Variants in MAD1L1 observed in about 807,000 individuals in gnomAD.
MAD1L1 encodes mitotic arrest deficient 1 like 1.
In MAD1L1, 95 loss-of-function variants were observed where a neutral mutation model predicts 96.9. The observed-to-expected ratio is 0.98, with a 90% CI of 0.83 to 1.16. The LOEUF is 1.16. Ranked by LOEUF, MAD1L1 falls within the 50% of genes most tolerant of loss-of-function variation. MAD1L1 has a pLI of 0.00. For synonymous variants in MAD1L1, 473 were observed against 396.6 expected (o/e 1.19, Z -2.29); for missense variants, 1,007 against 954.4 (o/e 1.06, Z -0.73).
At chr7:2,195,923 G>C (rs1399781866) in intron 10 of MAD1L1, among the ~76,000 whole-genome samples, 1 of 152,270 alleles carries the variant, frequency 6.6e-6, no homozygotes. Flanking sequence ...GCCCGCACAT[G>C]TGCTGAGTTC....
At chr7:2,071,918 G>C (rs12530949) in intron 11 of MAD1L1, among the ~76,000 whole-genome samples, 118,372 of 152,058 alleles carry the variant, frequency 0.78, 51,475 homozygotes, top group Non-Finnish European at 0.97. Context: ...GGAGGGCACG[G>C]ACGCTCTGCA....
intron 12 of MAD1L1, among the ~76,000 whole-genome samples, chr7:2,037,991 G>T (rs564507165): frequency 5.9e-5 from 9 of 152,172 alleles, no homozygotes; most frequent in Non-Finnish European, 1.2e-4. Context: ...CAAACAGCTC[G>T]CCAAGTTGTG....
chr7:1,875,271 A>T (rs1411774780), intron 18 of MAD1L1, among the ~76,000 whole-genome samples: 2 of 152,318 alleles, frequency 1.3e-5, no homozygotes, highest in Non-Finnish European at 2.9e-5. Context: ...CACCGAGGCC[A>T]GCTGAGTACC....
rs143474848 is a variant in MAD1L1, at chr7:1,913,946, C to T, written c.1808-15556G>A. Reference sequence around the variant, plus strand: ...TCCTGGGTGGCCACGCTGGAGGGAACGCCCCATGTCCTGCTGGACGCCATG... The same window carrying T: ...TCCTGGGTGGCCACGCTGGAGGGAATGCCCCATGTCCTGCTGGACGCCATG... On this transcript the variant is annotated intron_variant, in intron 17 of 18. Transcript: ENST00000265854. Among the ~76,000 whole-genome samples, 242 of 152,272 alleles carry T rather than the reference C, an allele frequency of 1.6e-3. 3 individuals are homozygous for T. The highest frequency in any genetic ancestry group is 5.1e-3 in the African/African-American group (210 of 41,556).
At chr7:2,022,013 T>C (rs1396215987) in intron 12 of MAD1L1, among the ~76,000 whole-genome samples, 1 of 152,062 alleles carries the variant, frequency 6.6e-6, no homozygotes, top group African/African-American at 2.4e-5. Context: ...TGGAGTGCAG[T>C]GGTGTGATCA....
chr7:2,137,575 T>A (rs994320985), intron 11 of MAD1L1, among the ~76,000 whole-genome samples: 1 of 152,180 alleles, frequency 6.6e-6, no homozygotes, highest in African/African-American at 2.4e-5. Context: ...GGGCCCAGGC[T>A]GTCTCCTCCT....
intron 17 of MAD1L1, 43 bp from the exon 18 acceptor site, chr7:1,898,433 C>T (rs768067739): frequency 6.8e-5 from 107 of 1,583,234 alleles, no homozygotes; most frequent in African/African-American, 2.3e-4. Flanking sequence ...GGCACCAGGC[C>T]GGAGGGGTGG....
intron 12 of MAD1L1, among the ~76,000 whole-genome samples, chr7:2,020,469 G>A (rs1165984226): frequency 2.0e-5 from 3 of 152,244 alleles, no homozygotes; most frequent in Admixed American, 6.5e-5. Context: ...CACGGCAGCT[G>A]TGAGACCGAG....
intron 12 of MAD1L1, among the ~76,000 whole-genome samples, chr7:2,067,285 G>A (rs111575077): frequency 0.021 from 3,027 of 145,556 alleles, 51 homozygotes; most frequent in Admixed American, 0.06. Context: ...GGCCACGTTC[G>A]CAGGCACCCG....
At chr7:2,149,440 C>A (rs1789463598) in intron 10 of MAD1L1, among the ~76,000 whole-genome samples, 1 of 152,162 alleles carries the variant, frequency 6.6e-6, no homozygotes, top group Non-Finnish European at 1.5e-5. Flanking sequence ...CTATGCAACA[C>A]CGGGGAGATG....
At chr7:1,887,421 G>GTGTA (rs1554283768) in intron 18 of MAD1L1, among the ~76,000 whole-genome samples, 1 of 151,238 alleles carries the variant, frequency 6.6e-6, no homozygotes, top group African/African-American at 2.4e-5. Flanking sequence ...ATGTGTGTGT[G>GTGTA]TGCATGCGTG....
In MAD1L1 at chr7:2,002,124, G is replaced by A; in HGVS notation, c.1360-3C>T. 1.2e-6 allele frequency: 2 copies of A among 1,612,860 alleles called. No homozygotes were observed. The highest frequency in any genetic ancestry group is 1.7e-6 in the Non-Finnish European group (2 of 1,179,962). On this transcript the variant is annotated splice_polypyrimidine_tract_variant and splice_region_variant and intron_variant, in intron 13 of 18. Coordinates refer to ENST00000265854, the MANE Select transcript of MAD1L1 (RefSeq NM_001013836.2). The stretch of plus-strand genomic sequence containing the variant: ...TCCAGGGCCTGCGACAGCTGAGCCT[G>A]CAAGACAAGACAGGATTCGGCCTGA...
In MAD1L1 at chr7:1,815,831, C is replaced by T. The variant is rs753436077; in HGVS notation, c.*239G>A. The T allele has an allele frequency of 2.3e-5, 12 of 532,668 alleles. No individual in the cohort carries two copies. The African/African-American group carries it at 2.3e-4, about 10-fold the overall frequency. The allele number at this position is 532,668 out of a possible 1,614,324, so 33.0% of individuals were successfully genotyped here. ...AGATTTTATTTCACAAGGTGAGGAA[C>T]CCAGGCTGGTGGCCGACGCCCACAC... On this transcript the variant is annotated 3_prime_UTR_variant, in exon 19 of 19. Coordinates refer to ENST00000265854, the MANE Select transcript of MAD1L1 (RefSeq NM_001013836.2).
intron 11 of MAD1L1, among the ~76,000 whole-genome samples, chr7:2,074,070 C>T (rs1461428358): frequency 6.6e-6 from 1 of 152,196 alleles, no homozygotes; most frequent in African/African-American, 2.4e-5. Context: ...GGGATGTTTG[C>T]CACTCACACC....
intron 11 of MAD1L1, among the ~76,000 whole-genome samples, chr7:2,132,178 T>G (rs1788539591): frequency 6.6e-6 from 1 of 152,070 alleles, no homozygotes; most frequent in South Asian, 2.1e-4. Flanking sequence ...TTTCAAGCAA[T>G]TATAGGTTTA....
intron 11 of MAD1L1, among the ~76,000 whole-genome samples, chr7:2,136,662 C>T (rs78296763): frequency 0.011 from 1,692 of 152,336 alleles, 10 homozygotes; most frequent in Admixed American, 0.024. Flanking sequence ...CTGCATTCCT[C>T]GGTGGGGGCC....
At chr7:2,022,563 A>G (rs553830863) in intron 12 of MAD1L1, among the ~76,000 whole-genome samples, 13 of 152,228 alleles carry the variant, frequency 8.5e-5, no homozygotes, top group Non-Finnish European at 1.5e-4. Flanking sequence ...AAAAGAAAAA[A>G]AAAATTCTGT....
intron 18 of MAD1L1, among the ~76,000 whole-genome samples, chr7:1,896,840 G>T (rs1786905987): frequency 6.6e-6 from 1 of 152,228 alleles, no homozygotes; most frequent in Admixed American, 6.5e-5. Context: ...TATGTTAAGT[G>T]ATAACTGTTC....
chr7:1,899,266 C>CTAA (rs1462936112), intron 17 of MAD1L1, among the ~76,000 whole-genome samples: 2 of 152,358 alleles, frequency 1.3e-5, no homozygotes, highest in Admixed American at 6.5e-5. Context: ...TTTATCCCCG[C>CTAA]GTTAATTATC....
Sources: allele counts gnomAD v4.1 joint callset (sites outside exome capture counted in the v4.1 genomes callset), GRCh38; gene constraint gnomAD v4.1.1; transcripts MANE v1.5; gene names NCBI Gene and HGNC (gene_info 2026-07-23, HGNC 2026-07-21).